The following MCHR1 variants were observed in gnomAD, a reference collection of about 807,000 sequenced individuals.
The protein encoded by MCHR1 is melanin-concentrating hormone receptor 1.
In MCHR1, 13 loss-of-function variants were observed where a neutral mutation model predicts 20.4. The ratio of observed to expected loss-of-function variants is 0.64; its 90% CI spans 0.41 to 1.01. The LOEUF is 1.01. Among genes scored for constraint, MCHR1 ranks in the 50% least tolerant of loss-of-function variants. The probability of loss-of-function intolerance (pLI) is 0.00; values close to 1 mark genes in which losing one functional copy is unlikely to be tolerated. For synonymous variants in MCHR1, 215 were observed against 204.4 expected (o/e 1.05, Z -0.44); for missense variants, 472 against 477.0 (o/e 0.99, Z 0.10).
rs201516846 is a variant in MCHR1 at position 40,682,356 on chromosome 22, C to T, written c.*428C>T. On this transcript the variant is annotated 3_prime_UTR_variant, in exon 2 of 2. Transcript: ENST00000249016. ...AAGGCCTGAGAGACGGGAAAGGGCC[C>T]GATCGCTCTTTCCCGCCTCTCACTG... The T allele has an allele frequency of 2.5e-5, 5 of 198,502 alleles. No individual in the cohort carries two copies. The highest frequency in any genetic ancestry group is 2.1e-4 in the South Asian group (2 of 9,536). 12.3% of individuals were successfully genotyped at this position (198,502 alleles called of 1,614,324 possible).
Position 40,681,574 on chromosome 22 carries a change from G to A in MCHR1, c.708G>A (p.Thr236=), listed in dbSNP as rs200952297. The part of the protein sequence containing the change: ...AAYVRILQRM[T]SSVAPASQRS... ...ACGTGAGGATCCTGCAGCGCATGAC[G>A]TCCTCAGTGGCCCCCGCCTCCCAGC... The change falls in exon 2 of 2, where the codon ACG becomes ACA. Residue 236 remains threonine, a synonymous_variant. Coordinates refer to ENST00000249016, the MANE Select transcript of MCHR1 (RefSeq NM_005297.4). This position sits in a 1 kb window ranked among gnomAD's most constrained non-coding sequence, Gnocchi z 4.3. The A allele has an allele frequency of 8.7e-6, 14 of 1,613,570 alleles. No individual in the cohort carries two copies. Among genetic ancestry groups the A allele is most frequent in the Non-Finnish European group, 1.1e-5 (13 of 1,180,058 alleles).
At chr22:40,680,859 G>C (rs1460891818) in intron 1 of MCHR1, 90 bp from the exon 2 acceptor site, 1 of 1,586,558 alleles carries the variant, frequency 6.3e-7, no homozygotes, top group African/African-American at 1.3e-5. Flanking sequence ...ATGAACGGTG[G>C]GTCGCTGGAG....
At position 40,680,383 on chromosome 22, in the gene MCHR1, C is replaced by T. The variant is rs1340069171; in HGVS notation, c.83-566C>T. On this transcript the variant is annotated intron_variant, in intron 1 of 1. Coordinates refer to ENST00000249016, the MANE Select transcript of MCHR1 (RefSeq NM_005297.4). ...CTGCTTCACTCAAGAAGCCCAGGCT[C>T]AGAAGATACCAATCAAGGAAATCCC... 2.0e-5 allele frequency among the ~76,000 whole-genome samples: 3 copies of T among 152,164 alleles called. No individual in the cohort carries two copies. In the East Asian group the frequency reaches 5.8e-4, roughly 29 times the overall value.
In MCHR1 at chr22:40,679,559, G is replaced by C. The variant is rs200638714; in HGVS notation, c.-94G>C. 3 of 1,613,662 alleles carry C rather than the reference G, an allele frequency of 1.9e-6. No individual in the cohort carries two copies. Among genetic ancestry groups the C allele is most frequent in the African/African-American group, 2.7e-5 (2 of 74,934 alleles). ...TTCCCAACTGCGGGGCTTGCGCTCC[G>C]GGACAAGGTGGCAGGCGCTGGAGGC... On this transcript the variant is annotated 5_prime_UTR_variant, in exon 1 of 2. Coordinates refer to ENST00000249016, the MANE Select transcript of MCHR1 (RefSeq NM_005297.4).
At chr22:40,680,209 C>G (rs965197958) in intron 1 of MCHR1, 1 of 207,684 alleles carries the variant, frequency 4.8e-6, no homozygotes, top group Non-Finnish European at 9.8e-6. Context: ...AGGGGATTAA[C>G]TTTTCTGGTG....
chr22:40,681,087 G>A lies in MCHR1; in HGVS notation c.221G>A (p.Cys74Tyr). The change falls in exon 2 of 2, where the codon TGC (cysteine) becomes TAC (tyrosine). Residue 74 changes from cysteine to tyrosine, a missense_variant. Physicochemically the swap from Cys to Tyr is radical, Grantham distance 194 (BLOSUM62 -2). Coordinates refer to ENST00000249016, the MANE Select transcript of MCHR1 (RefSeq NM_005297.4). This position sits in a 1 kb window ranked among gnomAD's most constrained non-coding sequence, Gnocchi z 4.3. Reference protein sequence around the residue: ...AVVKKSKLHWCNNVPDIFIIN... With the variant: ...AVVKKSKLHWYNNVPDIFIIN... ...GTGAAGAAGTCCAAGCTGCACTGGT[G>A]CAACAACGTCCCCGACATCTTCATC... The A allele has an allele frequency of 6.2e-7, 1 of 1,614,078 alleles. No individual in the cohort carries two copies. The highest frequency in any genetic ancestry group is 8.5e-7 in the Non-Finnish European group (1 of 1,180,020).
At chr22:40,680,023 T>G in intron 1 of MCHR1, 2 of 502,580 alleles carry the variant, frequency 4.0e-6, no homozygotes, top group South Asian at 2.0e-5. Flanking sequence ...GCAGAAAAAA[T>G]TCCAGGCTGG....
In MCHR1 at chr22:40,681,182, A is replaced by C. The variant is rs2056877905; in HGVS notation, c.316A>C (p.Asn106His). The C allele has an allele frequency of 6.2e-7, 1 of 1,614,096 alleles. No individual in the cohort carries two copies. Among genetic ancestry groups the C allele is most frequent in the Non-Finnish European group, 8.5e-7 (1 of 1,180,012 alleles). Residue 106 changes from asparagine (N) to histidine (H), a missense_variant, in exon 2 of 2, where the codon AAT (asparagine) becomes CAT (histidine). Coordinates refer to ENST00000249016, the MANE Select transcript of MCHR1 (RefSeq NM_005297.4). The surrounding 1 kb of genome is among the most constrained non-coding windows in gnomAD (Gnocchi z 4.3). ...CTTCATGATCCACCAGCTCATGGGC[A>C]ATGGGGTGTGGCACTTTGGGGAGAC... ...MPFMIHQLMGNGVWHFGETMC... is the reference protein window; with the variant it reads ...MPFMIHQLMGHGVWHFGETMC...
rs200735876 is a variant in MCHR1 at position 40,681,456 on chromosome 22, G to C, written c.590G>C (p.Arg197Pro). 2.5e-6 allele frequency: 4 copies of C among 1,613,252 alleles called. No homozygotes were observed. The highest frequency in any genetic ancestry group is 3.4e-6 in the Non-Finnish European group (4 of 1,180,022). The change falls in exon 2 of 2, where the codon CGC (arginine) becomes CCC (proline). Residue 197 changes from arginine (R) to proline (P), a missense_variant. Coordinates refer to ENST00000249016, the MANE Select transcript of MCHR1 (RefSeq NM_005297.4). This position sits in a 1 kb window ranked among gnomAD's most constrained non-coding sequence, Gnocchi z 4.3. Reference sequence around the variant, plus strand: ...GGAGGTGCAGTGGGCTGCGGCATACGCCTGCCCAACCCAGACACTGACCTC... The same window carrying C: ...GGAGGTGCAGTGGGCTGCGGCATACCCCTGCCCAACCCAGACACTGACCTC... ...FPGGAVGCGI[R>P]LPNPDTDLYW...
At position 40,679,598 on chromosome 22, in the gene MCHR1, G is replaced by A. The variant is rs773891055; in HGVS notation, c.-55G>A. 3.7e-5 allele frequency: 60 copies of A among 1,613,998 alleles called. No individual in the cohort carries two copies. The Admixed American group carries it at 5.2e-4, about 14-fold the overall frequency. ...GGCGCTGGAGGCTGCCGCAGCCTGCGTGGGTGGAGGGGAGCTCAGCTCGGT... is the reference window on the plus strand; with the variant it reads ...GGCGCTGGAGGCTGCCGCAGCCTGCATGGGTGGAGGGGAGCTCAGCTCGGT... On this transcript the variant is annotated 5_prime_UTR_variant, in exon 1 of 2. The change creates a new upstream start codon in the 5' untranslated region. Coordinates refer to ENST00000249016, the MANE Select transcript of MCHR1 (RefSeq NM_005297.4).
intron 1 of MCHR1, among the ~76,000 whole-genome samples, chr22:40,680,572 GCACACA>G (rs748382761): frequency 2.7e-5 from 3 of 112,816 alleles, no homozygotes; most frequent in Non-Finnish European, 2.1e-5. Context: ...GGAAAAGCAC[GCACACA>G]CACACACACA....
In MCHR1 at chr22:40,679,798, T is replaced by C. The variant is rs1451762207; in HGVS notation, c.82+64T>C. 5.2e-6 allele frequency: 8 copies of C among 1,538,056 alleles called. No individual in the cohort carries two copies. In the East Asian group the frequency reaches 1.3e-4, roughly 26 times the overall value. ...GTGGAAAATGGGAAGGTTTCACCCC[T>C]GAGCCAAACTGCTTGGGAAACTTTA... On this transcript the variant is annotated intron_variant, in intron 1 of 1. Transcript: ENST00000249016.
intron 1 of MCHR1, 73 bp from the exon 2 acceptor site, chr22:40,680,876 C>T: frequency 6.3e-7 from 1 of 1,594,390 alleles, no homozygotes; most frequent in South Asian, 1.1e-5. Flanking sequence ...GGAGGCTGAG[C>T]ATGCCAGCAG....
At chr22:40,680,868 A>AGGCT in intron 1 of MCHR1, 81 bp from the exon 2 acceptor site, 1 of 1,592,456 alleles carries the variant, frequency 6.3e-7, no homozygotes, top group Non-Finnish European at 8.5e-7. Context: ...GGGTCGCTGG[A>AGGCT]GGCTGAGCAT....
At chr22:40,680,669 ATC>A (rs2056874645) in intron 1 of MCHR1, 1 of 672,804 alleles carries the variant, frequency 1.5e-6, no homozygotes, top group African/African-American at 1.9e-5. Context: ...TCACAGAGTA[ATC>A]TCTGCAGACA....
Position 40,680,994 on chromosome 22 carries a change from T to C in MCHR1, c.128T>C (p.Met43Thr). Residue 43 changes from methionine (M) to threonine (T), a missense_variant, in exon 2 of 2, where the codon ATG becomes ACG. By Grantham distance (81) the Met-to-Thr change is moderately conservative. Transcript: ENST00000249016. ...AGCATCTCCTACATCAACATCATCA[T>C]GCCTTCGGTGTTCGGCACCATCTGC... The part of the protein sequence containing the change: ...TGSISYINII[M>T]PSVFGTICLL... The C allele has an allele frequency of 6.2e-7, 1 of 1,614,180 alleles. No homozygotes were observed. The highest frequency in any genetic ancestry group is 1.3e-5 in the African/African-American group (1 of 75,050).
rs138921026 is a variant in MCHR1, at chr22:40,679,718, T to C, written c.66T>C (p.Asp22=). ...PNASNTSDGP[D]NLTSAGSPPR... ...CCAGCAACACCTCTGATGGCCCCGA[T>C]AACCTCACTTCGGCAGGTGAGTTGA... The change falls in exon 1 of 2, where the codon GAT becomes GAC. Residue 22 remains aspartate, a synonymous_variant. Transcript: ENST00000249016. The C allele has an allele frequency of 2.8e-4, 459 of 1,614,128 alleles. No individual in the cohort carries two copies. The highest frequency in any genetic ancestry group is 2.0e-3 in the Middle Eastern group (12 of 6,062).
At chr22:40,680,819 G>A (rs1023305664) in intron 1 of MCHR1, 130 bp from the exon 2 acceptor site, 3 of 1,585,492 alleles carry the variant, frequency 1.9e-6, no homozygotes, top group Non-Finnish European at 2.6e-6. Context: ...CAACAGTGAA[G>A]GGAGGGAGAA....
In MCHR1 at chr22:40,681,899, G is replaced by A. The variant is rs200428580; in HGVS notation, c.1033G>A (p.Glu345Lys). ...TGTCAGCAACGCTCAGACGGCTGAC[G>A]AGGAGAGGACAGAAAGCAAAGGCAC... The part of the protein sequence containing the change: ...RAVSNAQTAD[E>K]ERTESKGT Residue 345 changes from glutamate to lysine, a missense_variant, in exon 2 of 2, where the codon GAG becomes AAG. Glu to Lys is a moderately conservative substitution (Grantham distance 56). Transcript: ENST00000249016. This position sits in a 1 kb window ranked among gnomAD's most constrained non-coding sequence, Gnocchi z 4.3. 2.9e-5 allele frequency: 47 copies of A among 1,610,960 alleles called. No homozygotes were observed. Among genetic ancestry groups the A allele is most frequent in the Non-Finnish European group, 3.5e-5 (41 of 1,180,036 alleles).
Sources: gnomAD v4.1 joint callset for allele counts (sites outside exome capture counted in the v4.1 genomes callset) on GRCh38, gnomAD v4.1.1 for gene constraint, Gnocchi (gnomAD v3.1) non-coding constraint, MANE v1.5 for transcripts, NCBI Gene and HGNC (gene_info 2026-07-23, HGNC 2026-07-21) for gene names.